The following PIAS2 variants were observed in gnomAD, a reference collection of about 807,000 sequenced individuals.
PIAS2 encodes the protein E3 SUMO-protein ligase PIAS2.
In PIAS2, 19 loss-of-function variants were observed where a neutral mutation model predicts 69.7. The ratio of observed to expected loss-of-function variants is 0.27; its 90% CI spans 0.19 to 0.40. The LOEUF (loss-of-function observed/expected upper bound fraction) is 0.40, where lower values mean the gene tolerates loss of function less well. Ranked by LOEUF, PIAS2 falls within the 10% of genes least tolerant of loss-of-function variation. The pLI, the probability that PIAS2 is intolerant of heterozygous loss-of-function variation, is 1.00. For missense variants in PIAS2, 624 were observed against 757.0 expected (o/e 0.82, Z 2.06); for synonymous variants, 261 against 263.2 (o/e 0.99, Z 0.08).
Position 46,893,042 on chromosome 18 carries a change from T to C in PIAS2, c.25-1988A>G, listed in dbSNP as rs116771966. Among the ~76,000 whole-genome samples, 956 of 152,214 alleles carry C rather than the reference T, an allele frequency of 6.3e-3. 7 individuals carry two copies. The highest frequency in any genetic ancestry group is 0.022 in the African/African-American group (898 of 41,520). On this transcript the variant is annotated intron_variant, in intron 1 of 13. Coordinates refer to ENST00000585916, the MANE Select transcript of PIAS2 (RefSeq NM_004671.5). Reference sequence around the variant, plus strand: ...ACCACACTGTGGTAGCTCTAAATCATACTCTAATAGAACACATACCACAAT... The same window carrying C: ...ACCACACTGTGGTAGCTCTAAATCACACTCTAATAGAACACATACCACAAT...
chr18:46,916,738 CG>C, intron 1 of PIAS2: 1 of 820,796 alleles, frequency 1.2e-6, no homozygotes, highest in Non-Finnish European at 1.5e-6. Context: ...GGTTTAAGGC[CG>C]ATTATTGAAG....
intron 11 of PIAS2, among the ~76,000 whole-genome samples, chr18:46,823,467 T>C (rs1316349460): frequency 6.6e-6 from 1 of 152,192 alleles, no homozygotes; most frequent in African/African-American, 2.4e-5. Context: ...CCTGACCCTT[T>C]GACTTACATC....
chr18:46,811,910 T>C lies in PIAS2; in HGVS notation c.*523A>G, dbSNP rs2041027219. On this transcript the variant is annotated 3_prime_UTR_variant, in exon 14 of 14. Transcript: ENST00000585916. ...AAGTGGAATCCAAGCTTTGGCCACGTACTGAAACTTCATTACTTCAATGAA... is the reference window on the plus strand; with the variant it reads ...AAGTGGAATCCAAGCTTTGGCCACGCACTGAAACTTCATTACTTCAATGAA... 1 of 152,232 alleles carries C rather than the reference T, an allele frequency of 6.6e-6. No individual in the cohort carries two copies. The highest frequency in any genetic ancestry group is 1.5e-5 in the Non-Finnish European group (1 of 68,036). 9.4% of individuals were successfully genotyped at this position (152,232 alleles called of 1,614,324 possible). A position where few individuals can be genotyped will look rare whatever the true frequency, so the allele number is the denominator to read the frequency against.
At chr18:46,862,666 T>C (rs548900891) in intron 3 of PIAS2, among the ~76,000 whole-genome samples, 1 of 151,930 alleles carries the variant, frequency 6.6e-6, no homozygotes, top group Non-Finnish European at 1.5e-5. Flanking sequence ...CACATATATA[T>C]ACACACATAT....
chr18:46,808,934 A>G lies in PIAS2; in HGVS notation c.*3499T>C, dbSNP rs565862200. The G allele has an allele frequency of 2.6e-5, 4 of 152,016 alleles. No homozygotes were observed. Among genetic ancestry groups the G allele is most frequent in the Admixed American group, 2.6e-4 (4 of 15,260 alleles). 9.4% of individuals were successfully genotyped at this position (152,016 alleles called of 1,614,324 possible). On this transcript the variant is annotated 3_prime_UTR_variant, in exon 14 of 14. Coordinates refer to ENST00000585916, the MANE Select transcript of PIAS2 (RefSeq NM_004671.5). ...TTGACTTTACTTAAAATACAAACAA[A>G]CGTCAACTAATGAATACTTTATTGG...
In PIAS2 at chr18:46,897,487, T is replaced by C. The variant is rs183139238; in HGVS notation, c.25-6433A>G. Among the ~76,000 whole-genome samples, 516 of 152,296 alleles carry C rather than the reference T, an allele frequency of 3.4e-3. 1 individual carries two copies. The highest frequency in any genetic ancestry group is 0.01 in the Middle Eastern group (3 of 294). On this transcript the variant is annotated intron_variant, in intron 1 of 13. Transcript: ENST00000585916. ...GCATTGGATTCAAACCGATTAAATA[T>C]AGTAATGTTTCATTTTATTCATAAT...
intron 2 of PIAS2, among the ~76,000 whole-genome samples, chr18:46,867,678 T>C (rs1568613172): frequency 6.6e-6 from 1 of 152,228 alleles, no homozygotes; most frequent in South Asian, 2.1e-4. Flanking sequence ...CAACCCTTCA[T>C]AATGTAGATT....
At chr18:46,874,706 A>G (rs184458830) in intron 2 of PIAS2, among the ~76,000 whole-genome samples, 1 of 152,168 alleles carries the variant, frequency 6.6e-6, no homozygotes, top group African/African-American at 2.4e-5. Flanking sequence ...CCTACGTTTG[A>G]AACTAAAGAT....
At chr18:46,843,426 T>C (rs923868026) in intron 8 of PIAS2, among the ~76,000 whole-genome samples, 1 of 152,202 alleles carries the variant, frequency 6.6e-6, no homozygotes, top group Non-Finnish European at 1.5e-5. Context: ...TCCCATCTCC[T>C]CTTGGTAGTA....
chr18:46,855,027 G>T (rs1360650195), intron 5 of PIAS2, among the ~76,000 whole-genome samples: 1 of 150,134 alleles, frequency 6.7e-6, no homozygotes, highest in Non-Finnish European at 1.5e-5. Flanking sequence ...CACTACTCAG[G>T]AGGCTGAGGT....
At position 46,845,701 on chromosome 18, in the gene PIAS2, A is replaced by C. The variant is rs560079934; in HGVS notation, c.862-862T>G. ...CAATTGATTCTACAATAAACATCAT[A>C]CTTTTAATAGCTGCCAAACCAAGTA... On this transcript the variant is annotated intron_variant, in intron 6 of 13. Transcript: ENST00000585916. Among the ~76,000 whole-genome samples the C allele has an allele frequency of 2.0e-5, 3 of 152,154 alleles. No homozygotes were observed. In the East Asian group the frequency reaches 5.8e-4, roughly 29 times the overall value.
In PIAS2 at chr18:46,849,135, C is replaced by T. The variant is rs111750347; in HGVS notation, c.727-2294G>A. 4.9e-3 allele frequency among the ~76,000 whole-genome samples: 752 copies of T among 152,266 alleles called. 7 individuals carry two copies. Among genetic ancestry groups the T allele is most frequent in the African/African-American group, 0.017 (722 of 41,536 alleles). On this transcript the variant is annotated intron_variant, in intron 5 of 13. Coordinates refer to ENST00000585916, the MANE Select transcript of PIAS2 (RefSeq NM_004671.5). ...GGAAATTAGAATTTAAGACATAACA[C>T]TGTCTGACACAGTAGAAAAGGGCAA...
chr18:46,832,528 G>A (rs961540655), intron 9 of PIAS2, among the ~76,000 whole-genome samples: 3 of 152,108 alleles, frequency 2.0e-5, no homozygotes, highest in Non-Finnish European at 4.4e-5. Context: ...AAAACAATTA[G>A]TAATAAGGAA....
At chr18:46,847,063 C>T (rs7242143) in intron 5 of PIAS2, among the ~76,000 whole-genome samples, 18 of 152,122 alleles carry the variant, frequency 1.2e-4, no homozygotes, top group African/African-American at 3.6e-4. Flanking sequence ...GGAAAAAAAT[C>T]CATGTTCCAA....
chr18:46,832,097 T>C (rs1293018017), intron 9 of PIAS2, among the ~76,000 whole-genome samples: 1 of 152,088 alleles, frequency 6.6e-6, no homozygotes, highest in Non-Finnish European at 1.5e-5. Context: ...CAACATTCAA[T>C]GACATGAAAA....
intron 1 of PIAS2, among the ~76,000 whole-genome samples, chr18:46,909,260 T>C (rs2056987345): frequency 6.6e-6 from 1 of 152,062 alleles, no homozygotes; most frequent in Admixed American, 6.6e-5. Context: ...TACTCGTGGG[T>C]AAAAACTTTT....
rs2040800411 is a variant in PIAS2, at chr18:46,808,116, T to C, written c.*4317A>G. ...TGGAGTACCATAAAATTAATAATAG[T>C]TGACACAGTTTTAATGACATGGAAT... On this transcript the variant is annotated 3_prime_UTR_variant, in exon 14 of 14. Transcript: ENST00000585916. 2 of 152,156 alleles carry C rather than the reference T, an allele frequency of 1.3e-5. No homozygotes were observed. Among genetic ancestry groups the C allele is most frequent in the South Asian group, 4.1e-4 (2 of 4,824 alleles). The allele number at this position is 152,156 out of a possible 1,614,324, so 9.4% of individuals were successfully genotyped here.
At chr18:46,910,088 G>A (rs1236546008) in intron 1 of PIAS2, among the ~76,000 whole-genome samples, 2 of 152,096 alleles carry the variant, frequency 1.3e-5, no homozygotes, top group East Asian at 3.8e-4. Context: ...CCTGGGAGGA[G>A]GAGGTTGCGG....
rs2058114535 is a variant in PIAS2, at chr18:46,917,461, C to A, written c.-116G>T. The A allele has an allele frequency of 1.6e-6, 2 of 1,219,948 alleles. No individual in the cohort carries two copies. The highest frequency in any genetic ancestry group is 2.1e-6 in the Non-Finnish European group (2 of 974,474). 75.6% of individuals were successfully genotyped at this position (1,219,948 alleles called of 1,614,324 possible). A position where few individuals can be genotyped will look rare whatever the true frequency, so the allele number is the denominator to read the frequency against. Reference sequence around the variant, plus strand: ...TCCAGCACCATCCTGCACTGGGCGCCGCTTAAGACGCCGCGGCCGCCGCCG... The same window carrying A: ...TCCAGCACCATCCTGCACTGGGCGCAGCTTAAGACGCCGCGGCCGCCGCCG... On this transcript the variant is annotated 5_prime_UTR_variant, in exon 1 of 14. Transcript: ENST00000585916.
Sources: gnomAD v4.1 joint callset for allele counts (sites outside exome capture counted in the v4.1 genomes callset) on GRCh38, gnomAD v4.1.1 for gene constraint, MANE v1.5 for transcripts, NCBI Gene and HGNC (gene_info 2026-07-23, HGNC 2026-07-21) for gene names.